Variants in KCNQ3 observed in about 807,000 individuals in gnomAD.
KCNQ3 encodes the protein potassium voltage-gated channel subfamily KQT member 3.
In KCNQ3, 30 loss-of-function variants were observed where a neutral mutation model predicts 92.5. The ratio of observed to expected loss-of-function variants is 0.32; its 90% CI spans 0.24 to 0.44. The LOEUF is 0.44. KCNQ3 is among the 20% of genes least tolerant of loss of function. KCNQ3 has a pLI of 1.00. For synonymous variants in KCNQ3, 450 were observed against 468.8 expected (o/e 0.96, Z 0.52); for missense variants, 913 against 1,140.3 (o/e 0.80, Z 2.87).
intron 1 of KCNQ3, among the ~76,000 whole-genome samples, chr8:132,347,378 A>C (rs914305466): frequency 1.2e-4 from 19 of 152,148 alleles, no homozygotes; most frequent in African/African-American, 4.3e-4. Flanking sequence ...ATAACACTGC[A>C]TTTGCTTACT....
chr8:132,375,118 T>A, intron 1 of KCNQ3, among the ~76,000 whole-genome samples: 1 of 152,152 alleles, frequency 6.6e-6, no homozygotes. Flanking sequence ...GAATCTAGTG[T>A]TTTTTTCAAA....
At chr8:132,256,165 G>A (rs1815579740) in intron 1 of KCNQ3, among the ~76,000 whole-genome samples, 1 of 151,890 alleles carries the variant, frequency 6.6e-6, no homozygotes, top group African/African-American at 2.4e-5. Flanking sequence ...AGGTTATATT[G>A]ACAAAGACAG....
At chr8:132,275,123 G>A (rs1424281011) in intron 1 of KCNQ3, among the ~76,000 whole-genome samples, 2 of 152,120 alleles carry the variant, frequency 1.3e-5, no homozygotes, top group Admixed American at 1.3e-4. Flanking sequence ...GACCCTTTTG[G>A]AATGGCATTT....
rs114628111 is a variant in KCNQ3, at chr8:132,279,665, C to T, written c.387-93484G>A. Among the ~76,000 whole-genome samples, 233 of 152,262 alleles carry T rather than the reference C, an allele frequency of 1.5e-3. 5 individuals carry two copies. The East Asian group carries it at 0.036, about 23-fold the overall frequency. On this transcript the variant is annotated intron_variant, in intron 1 of 14. Coordinates refer to ENST00000388996, the MANE Select transcript of KCNQ3 (RefSeq NM_004519.4). ...GATCACACACATCAACAGATACACACGCACACACACGTGTATATGTATACA... is the reference window on the plus strand; with the variant it reads ...GATCACACACATCAACAGATACACATGCACACACACGTGTATATGTATACA...
At chr8:132,234,996 T>C (rs1324459882) in intron 1 of KCNQ3, among the ~76,000 whole-genome samples, 2 of 152,256 alleles carry the variant, frequency 1.3e-5, no homozygotes, top group Non-Finnish European at 2.9e-5. Flanking sequence ...TTGATTTATA[T>C]ACATTAAAAT....
chr8:132,155,245 C>T (rs1450447298), intron 9 of KCNQ3, among the ~76,000 whole-genome samples: 3 of 152,132 alleles, frequency 2.0e-5, no homozygotes, highest in Non-Finnish European at 4.4e-5. Context: ...ATCTTCAGGG[C>T]TGACAAAAAG....
chr8:132,348,555 T>C (rs1212826874), intron 1 of KCNQ3, among the ~76,000 whole-genome samples: 3 of 152,224 alleles, frequency 2.0e-5, no homozygotes, highest in Non-Finnish European at 4.4e-5. Context: ...GTAATGTGCA[T>C]AAACTAAAAT....
chr8:132,316,217 G>A (rs1305425308), intron 1 of KCNQ3, among the ~76,000 whole-genome samples: 3 of 152,086 alleles, frequency 2.0e-5, no homozygotes, highest in Admixed American at 2.0e-4. Context: ...TGTGGCATAA[G>A]CTCTCTTGGC....
intron 1 of KCNQ3, among the ~76,000 whole-genome samples, chr8:132,420,738 T>C (rs928604433): frequency 2.6e-5 from 4 of 152,180 alleles, no homozygotes; most frequent in African/African-American, 9.7e-5. Flanking sequence ...ATAAATGATG[T>C]TGCAAAAGCA....
intron 1 of KCNQ3, among the ~76,000 whole-genome samples, chr8:132,186,937 A>T (rs1586812695): frequency 9.8e-6 from 1 of 101,640 alleles, no homozygotes; most frequent in African/African-American, 4.8e-5. Flanking sequence ...TGTGTGTGAG[A>T]GAGAGAGAGA....
At chr8:132,230,734 G>A (rs536147928) in intron 1 of KCNQ3, among the ~76,000 whole-genome samples, 8 of 152,302 alleles carry the variant, frequency 5.3e-5, no homozygotes, top group African/African-American at 1.4e-4. Context: ...TTTTGTGTGT[G>A]TGTATAACAC....
chr8:132,473,292 T>C (rs1016712936), intron 1 of KCNQ3, among the ~76,000 whole-genome samples: 1 of 152,184 alleles, frequency 6.6e-6, no homozygotes, highest in East Asian at 1.9e-4. Context: ...AAATGGAAGT[T>C]GAAATCAGCA....
At chr8:132,353,448 T>C (rs866837186) in intron 1 of KCNQ3, among the ~76,000 whole-genome samples, 1 of 152,192 alleles carries the variant, frequency 6.6e-6, no homozygotes, top group African/African-American at 2.4e-5. Context: ...AAATGTCTGT[T>C]CAAACTTTGG....
chr8:132,203,301 T>G (rs1353653586), intron 1 of KCNQ3, among the ~76,000 whole-genome samples: 2 of 152,162 alleles, frequency 1.3e-5, no homozygotes, highest in African/African-American at 4.8e-5. Flanking sequence ...TGTGTGTTAC[T>G]TTAGGCTTTG....
At chr8:132,198,591 G>A (rs937905536) in intron 1 of KCNQ3, among the ~76,000 whole-genome samples, 5 of 152,048 alleles carry the variant, frequency 3.3e-5, no homozygotes, top group Admixed American at 6.5e-5. Flanking sequence ...GGTGGATCAC[G>A]AGGTCAGGAG....
intron 1 of KCNQ3, among the ~76,000 whole-genome samples, chr8:132,230,730 G>A (rs1362675201): frequency 6.6e-6 from 1 of 152,186 alleles, no homozygotes; most frequent in African/African-American, 2.4e-5. Flanking sequence ...CTGATTTTGT[G>A]TGTGTGTATA....
intron 1 of KCNQ3, among the ~76,000 whole-genome samples, chr8:132,279,153 GT>G (rs1445911255): frequency 6.6e-6 from 1 of 152,202 alleles, no homozygotes; most frequent in Admixed American, 6.5e-5. Context: ...GGAAGGCGGA[GT>G]TTGCAGTGAG....
intron 12 of KCNQ3, among the ~76,000 whole-genome samples, chr8:132,134,864 G>A (rs1229661618): frequency 1.3e-5 from 2 of 151,962 alleles, no homozygotes; most frequent in Admixed American, 1.3e-4. Context: ...CAAATCCTAG[G>A]CTACATATTC....
intron 1 of KCNQ3, among the ~76,000 whole-genome samples, chr8:132,345,127 C>G (rs945760043): frequency 5.3e-5 from 8 of 152,174 alleles, no homozygotes; most frequent in African/African-American, 1.9e-4. Context: ...CCTCAGGACA[C>G]TAGAATTTAT....
Sources: gnomAD v4.1 joint callset for allele counts (sites outside exome capture counted in the v4.1 genomes callset) on GRCh38, gnomAD v4.1.1 for gene constraint, MANE v1.5 for transcripts, NCBI Gene and HGNC (gene_info 2026-07-23, HGNC 2026-07-21) for gene names.